Variants in GRK7 observed in about 807,000 individuals in gnomAD.
GRK7 encodes the protein G protein-coupled receptor kinase 7.
Under a neutral mutation model 34.1 loss-of-function variants are expected in GRK7, and 24 were observed. The observed-to-expected ratio is 0.70, with a 90% CI of 0.51 to 0.99. The LOEUF is 0.99. Among genes scored for constraint, GRK7 ranks in the 50% least tolerant of loss-of-function variants. GRK7 has a pLI of 0.00. For missense variants in GRK7, 644 were observed against 707.3 expected, an observed-to-expected ratio of 0.91 and a Z score of 1.02; for synonymous variants, 256 against 279.4, an observed-to-expected ratio of 0.92 and a Z score of 0.84.
chr3:141,769,183 A>G (rs542753093), intron 1 of GRK7, among the ~76,000 whole-genome samples: 2 of 151,922 alleles, frequency 1.3e-5, no homozygotes, highest in East Asian at 3.9e-4. Flanking sequence ...TCCAAACTGA[A>G]CACCTTCTTC....
At chr3:141,779,132 G>T (rs2084657977) in intron 3 of GRK7, among the ~76,000 whole-genome samples, 1 of 152,142 alleles carries the variant, frequency 6.6e-6, no homozygotes, top group Non-Finnish European at 1.5e-5. Context: ...TCTGTCATGG[G>T]TCTCCATTAG....
At chr3:141,779,998 C>G (rs1381947101) in intron 3 of GRK7, among the ~76,000 whole-genome samples, 1 of 152,152 alleles carries the variant, frequency 6.6e-6, no homozygotes, top group African/African-American at 2.4e-5. Context: ...TTGTTTGAAT[C>G]CTTGTTTTCA....
chr3:141,784,963 C>T (rs762842212), intron 4 of GRK7, among the ~76,000 whole-genome samples: 2 of 152,206 alleles, frequency 1.3e-5, no homozygotes, highest in Non-Finnish European at 2.9e-5. Context: ...ATGCCCTGAG[C>T]CATCTCAGTA....
the GRK7 span, among the ~76,000 whole-genome samples, chr3:141,755,066 G>T: frequency 1.3e-5 from 2 of 152,066 alleles, no homozygotes; most frequent in Non-Finnish European, 2.9e-5. Flanking sequence ...TTCTAAACTC[G>T]AATTTTATGC....
chr3:141,765,986 G>C (rs554003413), intron 1 of GRK7, among the ~76,000 whole-genome samples: 1 of 152,098 alleles, frequency 6.6e-6, no homozygotes, highest in African/African-American at 2.4e-5. Flanking sequence ...TTACCATAGC[G>C]TATATCAAGG....
chr3:141,804,665 A>T (rs996707799), intron 4 of GRK7, among the ~76,000 whole-genome samples: 1 of 151,666 alleles, frequency 6.6e-6, no homozygotes, highest in Non-Finnish European at 1.5e-5. Flanking sequence ...ACACACATAC[A>T]CATGCACAGA....
intron 4 of GRK7, among the ~76,000 whole-genome samples, chr3:141,789,669 A>C (rs961039274): frequency 5.3e-5 from 8 of 151,798 alleles, no homozygotes; most frequent in South Asian, 4.1e-4. Context: ...AAAAAAAAAA[A>C]ACACAAAACA....
At chr3:141,810,612 G>C (rs182070086) in intron 5 of GRK7, among the ~76,000 whole-genome samples, 2 of 152,236 alleles carry the variant, frequency 1.3e-5, no homozygotes, top group East Asian at 1.9e-4. Flanking sequence ...AGCCTCCCAG[G>C]TTCAAGCAAT....
At chr3:141,815,115 G>C (rs1227118870) in intron 5 of GRK7, among the ~76,000 whole-genome samples, 3 of 151,844 alleles carry the variant, frequency 2.0e-5, no homozygotes, top group Non-Finnish European at 4.4e-5. Flanking sequence ...AGTAGAGATG[G>C]GGTTTCACCA....
chr3:141,796,053 G>A (rs934259861), intron 4 of GRK7, among the ~76,000 whole-genome samples: 8 of 152,184 alleles, frequency 5.3e-5, no homozygotes, highest in Admixed American at 6.5e-5. Context: ...TTTAGATCAT[G>A]CGCAGCTGAT....
chr3:141,758,890 C>T (rs200106779), upstream of GRK7, among the ~76,000 whole-genome samples: 9,663 of 150,710 alleles, frequency 0.064, 308 homozygotes, highest in South Asian at 0.11. Flanking sequence ...AAGTTGGATT[C>T]CTAAGTATTT....
intron 4 of GRK7, among the ~76,000 whole-genome samples, chr3:141,806,140 A>T (rs1306026208): frequency 6.6e-6 from 1 of 152,220 alleles, no homozygotes; most frequent in Non-Finnish European, 1.5e-5. Flanking sequence ...ATCTCAATAT[A>T]GATTCCTTTT....
At chr3:141,773,892 A>G (rs2107873977) in intron 1 of GRK7, among the ~76,000 whole-genome samples, 1 of 151,860 alleles carries the variant, frequency 6.6e-6, no homozygotes, top group Middle Eastern at 3.4e-3. Flanking sequence ...AGGACTTGCT[A>G]AAGCCAGGAT....
chr3:141,762,993 G>A (rs1002683566), upstream of GRK7, among the ~76,000 whole-genome samples: 7 of 152,154 alleles, frequency 4.6e-5, no homozygotes, highest in Non-Finnish European at 8.8e-5. Context: ...GCTCGCGCCC[G>A]GTGCGCGCAC....
chr3:141,779,607 T>G (rs2084661182), intron 3 of GRK7, among the ~76,000 whole-genome samples: 1 of 152,170 alleles, frequency 6.6e-6, no homozygotes, highest in African/African-American at 2.4e-5. Flanking sequence ...TTCGCACAAA[T>G]GCAATGTTGG....
intron 4 of GRK7, among the ~76,000 whole-genome samples, chr3:141,802,967 C>A (rs1453276412): frequency 2.6e-5 from 4 of 152,158 alleles, no homozygotes; most frequent in South Asian, 4.1e-4. Flanking sequence ...ATTATAAAAT[C>A]TTCCAAGCAT....
At chr3:141,767,029 C>T (rs2084592471) in intron 1 of GRK7, among the ~76,000 whole-genome samples, 1 of 152,180 alleles carries the variant, frequency 6.6e-6, no homozygotes, top group Non-Finnish European at 1.5e-5. Context: ...ATTATTAAAA[C>T]AATTAGAGTC....
rs770238706 is a variant in GRK7, at chr3:141,816,866, G to A, written c.1478G>A (p.Arg493Gln). The A allele has an allele frequency of 7.4e-6, 12 of 1,613,646 alleles. No homozygotes were observed. The highest frequency in any genetic ancestry group is 1.7e-5 in the Admixed American group (1 of 59,932). ...GAAATTGATGATTTCTCTGAGGTTCGGGGGGTGGAATTTGATGACAAAGAT... is the reference window on the plus strand; with the variant it reads ...GAAATTGATGATTTCTCTGAGGTTCAGGGGGTGGAATTTGATGACAAAGAT... ...IAEIDDFSEV[R>Q]GVEFDDKDKQ... is the part of the protein sequence containing the mutation. Residue 493 changes from arginine (R) to glutamine (Q), a missense_variant, in exon 6 of 6, where the codon CGG (arginine) becomes CAG (glutamine). Physicochemically the swap from Arg to Gln is conservative, Grantham distance 43. Coordinates refer to ENST00000682958, the MANE Select transcript of GRK7 (RefSeq NM_139209.3).
At chr3:141,754,688 A>C in the GRK7 span, among the ~76,000 whole-genome samples, 1 of 152,176 alleles carries the variant, frequency 6.6e-6, no homozygotes, top group East Asian at 1.9e-4. Flanking sequence ...TTCACAGTAA[A>C]GGAAGAAAAG....
Sources: gnomAD v4.1 joint callset for allele counts (sites outside exome capture counted in the v4.1 genomes callset) on GRCh38, gnomAD v4.1.1 for gene constraint, MANE v1.5 for transcripts, NCBI Gene and HGNC (gene_info 2026-07-23, HGNC 2026-07-21) for gene names.